CP: variants seen among roughly 807,000 people sequenced by gnomAD.
CP encodes the protein ceruloplasmin.
A neutral mutation model predicts 122.4 loss-of-function variants in CP; 64 were observed. The observed-to-expected ratio is 0.52, with a 90% confidence interval of 0.43 to 0.64. CP has a LOEUF of 0.64. Ranked by LOEUF, CP falls within the 30% of genes least tolerant of loss-of-function variation. The probability of loss-of-function intolerance (pLI) is 0.00; values close to 1 mark genes in which losing one functional copy is unlikely to be tolerated. For synonymous variants in CP, 440 were observed against 436.4 expected (o/e 1.01, Z -0.10); for missense variants, 1,167 against 1,284.4 (o/e 0.91, Z 1.40).
intron 1 of CP, among the ~76,000 whole-genome samples, chr3:149,214,750 C>G (rs1298708343): frequency 2.0e-5 from 3 of 152,160 alleles, no homozygotes; most frequent in Non-Finnish European, 4.4e-5. Flanking sequence ...TGAACTCTGT[C>G]CCTAAACCCA....
chr3:149,193,830 T>A (rs1422871279), intron 9 of CP, among the ~76,000 whole-genome samples: 1 of 152,226 alleles, frequency 6.6e-6, no homozygotes, highest in Non-Finnish European at 1.5e-5. Context: ...TCCATTTTAC[T>A]GATGATTCAG....
Position 149,184,028 on chromosome 3 carries a change from C to CTTTTTTTTTT in CP, c.2286-433_2286-424dup, listed in dbSNP as rs869206210. 2.3e-3 allele frequency among the ~76,000 whole-genome samples: 144 copies of CTTTTTTTTTT among 63,620 alleles called. 10 individuals carry two copies. Among genetic ancestry groups the CTTTTTTTTTT allele is most frequent in the Non-Finnish European group, 2.9e-3 (102 of 34,784 alleles). The allele number at this position is 63,620 out of a possible 152,430, so 41.7% of individuals were successfully genotyped here. ...CCAGGCATTCCCTTTTCACTTACTT[C>CTTTTTTTTTT]TTTTTTTTTTTTTTTTTTTTTTTTT... On this transcript the variant is annotated intron_variant, in intron 12 of 18. Transcript: ENST00000264613.
chr3:149,177,762 C>A (rs568332687), intron 17 of CP, 78 bp downstream of exon 17: 1 of 1,504,164 alleles, frequency 6.6e-7, no homozygotes, highest in African/African-American at 1.4e-5. Flanking sequence ...TCATAAGTCT[C>A]TCTGAGAAAA....
At chr3:149,201,684 G>A (rs1473684333) in intron 7 of CP, among the ~76,000 whole-genome samples, 1 of 152,014 alleles carries the variant, frequency 6.6e-6, no homozygotes, top group East Asian at 1.9e-4. Context: ...TCCGCCTCCC[G>A]GGTTCAAGCG....
intron 3 of CP, 34 bp downstream of exon 3, chr3:149,210,133 G>A: frequency 6.3e-7 from 1 of 1,597,480 alleles, no homozygotes; most frequent in Non-Finnish European, 8.6e-7. Context: ...CTGTCTTTTG[G>A]TCATATAGCA....
chr3:149,174,527 G>A (rs931426136), intron 18 of CP, among the ~76,000 whole-genome samples: 14 of 152,134 alleles, frequency 9.2e-5, no homozygotes, highest in Admixed American at 6.5e-4. Context: ...AGGTATATGG[G>A]AATCTGAAAT....
At chr3:149,201,660 G>T (rs1727329339) in intron 7 of CP, among the ~76,000 whole-genome samples, 1 of 151,662 alleles carries the variant, frequency 6.6e-6, no homozygotes, top group African/African-American at 2.4e-5. Context: ...GCACGATCTT[G>T]ACTCACTGCA....
At chr3:149,179,192 G>A (rs1725623255) in intron 15 of CP, among the ~76,000 whole-genome samples, 1 of 151,848 alleles carries the variant, frequency 6.6e-6, no homozygotes, top group South Asian at 2.1e-4. Context: ...GTATTACAAC[G>A]GCCTCCCAAC....
intron 1 of CP, among the ~76,000 whole-genome samples, chr3:149,213,165 AT>A (rs970751504): frequency 5.9e-5 from 9 of 152,250 alleles, no homozygotes; most frequent in African/African-American, 1.2e-4. Context: ...ATATTTATAT[AT>A]TTTTTTCCTT....
At chr3:149,174,064 A>T (rs1207199797) in intron 18 of CP, among the ~76,000 whole-genome samples, 7 of 152,196 alleles carry the variant, frequency 4.6e-5, no homozygotes, top group Non-Finnish European at 2.9e-5. Context: ...GATATGGTGT[A>T]CTAAGAAAAA....
At chr3:149,208,694 T>C (rs1460242893) in intron 4 of CP, among the ~76,000 whole-genome samples, 1 of 152,100 alleles carries the variant, frequency 6.6e-6, no homozygotes, top group Admixed American at 6.6e-5. Context: ...TAAGAAAAAG[T>C]CTAAACTGTA....
At chr3:149,218,526 T>C (rs1728607633) in intron 1 of CP, among the ~76,000 whole-genome samples, 1 of 152,188 alleles carries the variant, frequency 6.6e-6, no homozygotes, top group African/African-American at 2.4e-5. Context: ...TATACATTTT[T>C]CTCTTTTAAT....
At chr3:149,167,954 A>C, downstream of CP, 1 of 1,597,074 alleles carries the variant, frequency 6.3e-7, no homozygotes, top group African/African-American at 1.3e-5. Context: ...GGTGGAGAGA[A>C]GTATCAACTC....
At chr3:149,192,211 C>T (rs1479940014) in intron 9 of CP, among the ~76,000 whole-genome samples, 2 of 151,750 alleles carry the variant, frequency 1.3e-5, no homozygotes, top group Admixed American at 6.6e-5. Flanking sequence ...ATAGGTCACA[C>T]GGTAAACTAG....
chr3:149,165,193 T>G (rs1471112240), intron 5 of CP, among the ~76,000 whole-genome samples: 1 of 152,182 alleles, frequency 6.6e-6, no homozygotes, highest in Admixed American at 6.5e-5. Flanking sequence ...GTGCTGTAGA[T>G]GTATGGGGAG....
At chr3:149,207,864 C>T (rs1727851854) in intron 4 of CP, among the ~76,000 whole-genome samples, 1 of 152,000 alleles carries the variant, frequency 6.6e-6, no homozygotes, top group Admixed American at 6.6e-5. Context: ...GAAGATAAAA[C>T]CTATTTGCTG....
At position 149,221,713 on chromosome 3, in the gene CP, C is replaced by G. The variant is rs1728821618; in HGVS notation, c.80G>C (p.Gly27Ala). ...ATAATCCCAAGTCGTTTCAATAATT[C>G]CAATGTAATAATGCTTTTCTTTCGC... Reference protein sequence around the residue: ...AWAKEKHYYIGIIETTWDYAS... With the variant: ...AWAKEKHYYIAIIETTWDYAS... The change falls in exon 1 of 19, where the codon GGA becomes GCA. Residue 27 changes from glycine to alanine, a missense_variant. Gly to Ala is a moderately conservative substitution (Grantham distance 60). Transcript: ENST00000264613. 6.2e-7 allele frequency: 1 copy of G among 1,609,986 alleles called. No individual in the cohort carries two copies. The highest frequency in any genetic ancestry group is 8.5e-7 in the Non-Finnish European group (1 of 1,177,964).
chr3:149,178,951 C>G (rs1187101228), intron 15 of CP, among the ~76,000 whole-genome samples: 1 of 152,142 alleles, frequency 6.6e-6, no homozygotes, highest in African/African-American at 2.4e-5. Context: ...CTCATGAACT[C>G]TTGAGTGTGA....
intron 18 of CP, among the ~76,000 whole-genome samples, chr3:149,175,032 G>A (rs1725322293): frequency 6.6e-6 from 1 of 152,054 alleles, no homozygotes; most frequent in South Asian, 2.1e-4. Context: ...CTGTGGCTGT[G>A]TGTGTAGGGT....
Sources: gnomAD v4.1 joint callset for allele counts (sites outside exome capture counted in the v4.1 genomes callset) on GRCh38, gnomAD v4.1.1 for gene constraint, MANE v1.5 for transcripts, NCBI Gene and HGNC (gene_info 2026-07-23, HGNC 2026-07-21) for gene names.